The following TENM3 variants were observed in gnomAD, a reference collection of about 807,000 sequenced individuals.
TENM3 encodes teneurin transmembrane protein 3, also known as teneurin-3.
TENM3 carries 63 observed loss-of-function variants against 255.1 expected under a neutral mutation model. That is an observed-to-expected ratio of 0.25 (90% CI 0.20 to 0.30). The LOEUF (loss-of-function observed/expected upper bound fraction) is 0.30, where lower values mean the gene tolerates loss of function less well. Among genes scored for constraint, TENM3 ranks in the 10% least tolerant of loss-of-function variants. TENM3 has a pLI of 1.00. For synonymous variants in TENM3, 1,306 were observed against 1,322.3 expected (o/e 0.99, Z 0.27); for missense variants, 2,929 against 3,461.1 (o/e 0.85, Z 3.86).
At chr4:182,084,445 G>C in the TENM3 span, among the ~76,000 whole-genome samples, 1 of 152,128 alleles carries the variant, frequency 6.6e-6, no homozygotes, top group Non-Finnish European at 1.5e-5. Context: ...TTTGATTCTT[G>C]TCAAGAAGAT....
At chr4:181,614,880 G>A in the TENM3 span, among the ~76,000 whole-genome samples, 1 of 152,228 alleles carries the variant, frequency 6.6e-6, no homozygotes, top group African/African-American at 2.4e-5. Context: ...AAAAGAGAAA[G>A]TATAGGGAGA....
chr4:181,803,068 T>G, the TENM3 span, among the ~76,000 whole-genome samples: 1 of 151,400 alleles, frequency 6.6e-6, no homozygotes, highest in South Asian at 2.1e-4. Context: ...TACATGTATG[T>G]GTTAGAATTT....
chr4:181,591,314 G>T, the TENM3 span, among the ~76,000 whole-genome samples: 1 of 152,048 alleles, frequency 6.6e-6, no homozygotes, highest in Non-Finnish European at 1.5e-5. Flanking sequence ...AAGATAGTTT[G>T]GAAGTTTATT....
chr4:182,459,525 TGG>T, intron 3 of TENM3, among the ~76,000 whole-genome samples: 1 of 152,218 alleles, frequency 6.6e-6, no homozygotes, highest in East Asian at 1.9e-4. Flanking sequence ...ACAAGATTCG[TGG>T]CCTTTTTTAA....
At chr4:181,752,461 G>A in the TENM3 span, among the ~76,000 whole-genome samples, 1,204 of 152,044 alleles carry the variant, frequency 7.9e-3, 11 homozygotes, top group Middle Eastern at 0.024. Context: ...CTGAGACAGG[G>A]AAATTGCTTG....
the TENM3 span, among the ~76,000 whole-genome samples, chr4:181,928,278 C>G: frequency 6.6e-6 from 1 of 151,838 alleles, no homozygotes; most frequent in African/African-American, 2.4e-5. Context: ...AGCTAAGAAC[C>G]TTGAAAGAAG....
intron 3 of TENM3, among the ~76,000 whole-genome samples, chr4:182,402,614 A>T (rs1017534603): frequency 6.6e-6 from 1 of 152,258 alleles, no homozygotes; most frequent in South Asian, 2.1e-4. Flanking sequence ...TTCTTTTTTT[A>T]GGAGGGTCAA....
the TENM3 span, among the ~76,000 whole-genome samples, chr4:182,132,600 T>A: frequency 5.3e-5 from 8 of 152,206 alleles, no homozygotes; most frequent in South Asian, 2.1e-4. Context: ...TTTGTCAAGT[T>A]CAATTTTTTT....
At chr4:182,593,988 A>G (rs1210418892) in intron 3 of TENM3, among the ~76,000 whole-genome samples, 1 of 151,578 alleles carries the variant, frequency 6.6e-6, no homozygotes, top group African/African-American at 2.4e-5. Flanking sequence ...AAAAAAAAAG[A>G]AGCCAGCAAA....
At chr4:181,571,337 A>G in the TENM3 span, among the ~76,000 whole-genome samples, 1 of 152,148 alleles carries the variant, frequency 6.6e-6, no homozygotes, top group East Asian at 1.9e-4. Flanking sequence ...ATTTTATTTT[A>G]TCTTATATAT....
intron 3 of TENM3, among the ~76,000 whole-genome samples, chr4:182,401,158 G>T (rs1295031135): frequency 6.6e-6 from 1 of 152,102 alleles, no homozygotes; most frequent in Non-Finnish European, 1.5e-5. Flanking sequence ...TCATATGCAG[G>T]TTATTCCGGA....
At chr4:182,091,869 G>A in the TENM3 span, among the ~76,000 whole-genome samples, 2 of 152,194 alleles carry the variant, frequency 1.3e-5, no homozygotes, top group Non-Finnish European at 2.9e-5. Flanking sequence ...GCTTGAAGCT[G>A]AGAGGCAATT....
the TENM3 span, among the ~76,000 whole-genome samples, chr4:181,485,227 A>T: frequency 1.3e-5 from 2 of 152,150 alleles, no homozygotes; most frequent in African/African-American, 4.8e-5. Context: ...ATTTTAGCTA[A>T]TATTTTTCCT....
chr4:181,783,987 A>T, the TENM3 span, among the ~76,000 whole-genome samples: 1 of 152,126 alleles, frequency 6.6e-6, no homozygotes, highest in Non-Finnish European at 1.5e-5. Context: ...TTAAGTGTAA[A>T]CTTGTAGCAT....
the TENM3 span, among the ~76,000 whole-genome samples, chr4:181,695,804 G>A: frequency 0.8 from 121,324 of 152,144 alleles, 48,582 homozygotes; most frequent in Admixed American, 0.88. Flanking sequence ...TGAAACCGCT[G>A]ATCTACCATG....
chr4:182,366,046 G>A (rs1364601751), intron 3 of TENM3, among the ~76,000 whole-genome samples: 2 of 152,192 alleles, frequency 1.3e-5, no homozygotes, highest in Non-Finnish European at 2.9e-5. Flanking sequence ...ATTGTGTGGT[G>A]TGTGACTGTA....
chr4:182,419,241 T>C (rs1254097583), intron 3 of TENM3, among the ~76,000 whole-genome samples: 1 of 152,174 alleles, frequency 6.6e-6, no homozygotes, highest in African/African-American at 2.4e-5. Context: ...AAAGAAGACA[T>C]TTATGCAGCC....
chr4:182,388,296 T>C (rs566793261), intron 3 of TENM3, among the ~76,000 whole-genome samples: 2 of 152,324 alleles, frequency 1.3e-5, no homozygotes, highest in African/African-American at 4.8e-5. Flanking sequence ...CAAGACTTCT[T>C]CAGCCTGCTT....
chr4:182,385,519 C>T (rs1182223069), intron 3 of TENM3, among the ~76,000 whole-genome samples: 1 of 152,252 alleles, frequency 6.6e-6, no homozygotes, highest in African/African-American at 2.4e-5. Context: ...CCTGCCTCGG[C>T]CTCCCAAAGT....
Sources: allele counts gnomAD v4.1 joint callset (sites outside exome capture counted in the v4.1 genomes callset), GRCh38; gene constraint gnomAD v4.1.1; transcripts MANE v1.5; gene names NCBI Gene and HGNC (gene_info 2026-07-23, HGNC 2026-07-21).